Variants in PACRGL observed in about 807,000 individuals in gnomAD.
PACRGL encodes parkin coregulated like, also known as PACRG-like protein.
PACRGL carries 38 observed loss-of-function variants against 34.5 expected under a neutral mutation model. That is an observed-to-expected ratio of 1.10 (90% CI 0.85 to 1.44). The LOEUF is 1.44. Ranked by LOEUF, PACRGL falls within the 40% of genes most tolerant of loss-of-function variation. PACRGL has a pLI of 0.00. For synonymous variants in PACRGL, 128 were observed against 100.1 expected (o/e 1.28, Z -1.66); for missense variants, 305 against 281.4 (o/e 1.08, Z -0.60).
downstream of PACRGL, chr4:20,732,708 G>A: frequency 1.2e-6 from 2 of 1,611,524 alleles, no homozygotes; most frequent in Non-Finnish European, 1.7e-6. Context: ...CGTGTTGTCT[G>A]GGAGCATCTT....
intron 8 of PACRGL, among the ~76,000 whole-genome samples, chr4:20,747,318 G>T (rs1392118259): frequency 3.3e-5 from 5 of 152,054 alleles, no homozygotes; most frequent in African/African-American, 1.2e-4. Flanking sequence ...CTCATCCTCT[G>T]GAAGCCAGCT....
chr4:20,724,819 AT>A lies in PACRGL; in HGVS notation c.623del (p.Leu208Ter), dbSNP rs1423395840. The A allele has an allele frequency of 6.7e-7, 1 of 1,490,782 alleles. No individual in the cohort carries two copies. Among genetic ancestry groups the A allele is most frequent in the Non-Finnish European group, 8.9e-7 (1 of 1,128,772 alleles). The allele number at this position is 1,490,782 out of a possible 1,614,324, so 92.3% of individuals were successfully genotyped here. On this transcript the variant is annotated frameshift_variant, in exon 8 of 9. Transcript: ENST00000503585. LOFTEE classifies it high-confidence loss of function. The stretch of plus-strand genomic sequence containing the variant: ...TCTTACTTTAAAAGCTTTCCAAGAG[AT>A]TAATGGACAAGAAATTCAAAGAGCC... ...KHLLTSLSKR[L>X]MDKKFKEPIT...
chr4:20,725,535 A>C (rs1320451563), intron 8 of PACRGL, among the ~76,000 whole-genome samples: 2 of 152,190 alleles, frequency 1.3e-5, no homozygotes, highest in Non-Finnish European at 2.9e-5. Context: ...CTCGTCTTAG[A>C]AATATTTCCA....
intron 8 of PACRGL, among the ~76,000 whole-genome samples, chr4:20,726,982 A>G (rs1472013911): frequency 6.6e-6 from 1 of 152,152 alleles, no homozygotes; most frequent in Non-Finnish European, 1.5e-5. Flanking sequence ...TCTAAAGATC[A>G]CGGAACTTAG....
intron 1 of PACRGL, among the ~76,000 whole-genome samples, chr4:20,701,011 A>G (rs1485101737): frequency 2.6e-5 from 4 of 152,078 alleles, no homozygotes; most frequent in Admixed American, 6.6e-5. Context: ...ACTTTCTGGT[A>G]AAAAAGGGAC....
Position 20,730,736 on chromosome 4 carries a change from G to T in PACRGL, c.*3395G>T, listed in dbSNP as rs1383691611. ...ATTGGGGAGCAGAAACCACTGCTCAGTGGCTGTGTTCAGTTTAGCATATTC... is the reference window on the plus strand; with the variant it reads ...ATTGGGGAGCAGAAACCACTGCTCATTGGCTGTGTTCAGTTTAGCATATTC... On this transcript the variant is annotated 3_prime_UTR_variant, in exon 9 of 9. Coordinates refer to ENST00000503585, the MANE Select transcript of PACRGL (RefSeq NM_001258345.3). Among the ~76,000 whole-genome samples, 1 of 152,200 alleles carries T rather than the reference G, an allele frequency of 6.6e-6. No homozygotes were observed. Among genetic ancestry groups the T allele is most frequent in the African/African-American group, 2.4e-5 (1 of 41,460 alleles).
Position 20,730,132 on chromosome 4 carries a change from G to A in PACRGL, c.*2791G>A. 3.7e-6 allele frequency: 6 copies of A among 1,605,050 alleles called. 1 individual carries two copies. The Middle Eastern group carries it at 1.0e-3, about 267-fold the overall frequency. The stretch of plus-strand genomic sequence containing the variant: ...ATGGAGCGCATTATGTTTTCATCCT[G>A]TAAGGGAGAAACACAGAGCGATTAA... On this transcript the variant is annotated 3_prime_UTR_variant, in exon 9 of 9. Transcript: ENST00000503585.
chr4:20,766,744 G>T, the PACRGL span: 1 of 152,132 alleles, frequency 6.6e-6, no homozygotes, highest in Non-Finnish European at 1.5e-5. Context: ...ACTAAGCTTT[G>T]ATACTGCAAA....
chr4:20,710,192 A>G (rs1258064008), intron 5 of PACRGL, among the ~76,000 whole-genome samples: 2 of 152,176 alleles, frequency 1.3e-5, no homozygotes, highest in African/African-American at 4.8e-5. Flanking sequence ...AATTGATACT[A>G]CCTACCTAAA....
intron 7 of PACRGL, among the ~76,000 whole-genome samples, chr4:20,717,877 C>A (rs1291510513): frequency 6.6e-6 from 1 of 152,126 alleles, no homozygotes. Context: ...TGAAGAAAGT[C>A]ATTGGTAGCT....
At chr4:20,749,762 G>A (rs1370616717) in intron 8 of PACRGL, 1 of 1,487,386 alleles carries the variant, frequency 6.7e-7, no homozygotes, top group East Asian at 2.3e-5. Context: ...GTATCATTAA[G>A]TCAGTGTTTC....
intron 5 of PACRGL, among the ~76,000 whole-genome samples, chr4:20,712,044 A>G (rs1332892722): frequency 6.6e-6 from 1 of 152,116 alleles, no homozygotes; most frequent in African/African-American, 2.4e-5. Context: ...AACATAGACT[A>G]ATTTGCTCTG....
At position 20,717,103 on chromosome 4, in the gene PACRGL, A is replaced by C. The variant is rs186310713; in HGVS notation, c.609+3564A>C. Among the ~76,000 whole-genome samples the C allele has an allele frequency of 2.3e-3, 357 of 152,116 alleles. 8 individuals carry two copies. The South Asian group carries it at 0.046, about 20-fold the overall frequency. On this transcript the variant is annotated intron_variant, in intron 7 of 8. Coordinates refer to ENST00000503585, the MANE Select transcript of PACRGL (RefSeq NM_001258345.3). The stretch of plus-strand genomic sequence containing the variant: ...GGCCAGTGATGATGAGCATTTTTTC[A>C]TGTGTCTGTTGGCTGCATAAATGTC...
intron 8 of PACRGL, among the ~76,000 whole-genome samples, chr4:20,726,332 G>T (rs990159585): frequency 2.6e-5 from 4 of 152,026 alleles, no homozygotes; most frequent in African/African-American, 9.7e-5. Flanking sequence ...TGCTAATACA[G>T]AATTTTAAAA....
chr4:20,721,139 C>T (rs1010387857), intron 7 of PACRGL, among the ~76,000 whole-genome samples: 2 of 152,160 alleles, frequency 1.3e-5, no homozygotes, highest in African/African-American at 2.4e-5. Flanking sequence ...CTTGTGCATT[C>T]GTCATGTAGT....
chr4:20,743,755 C>A (rs1401345977), intron 8 of PACRGL, among the ~76,000 whole-genome samples: 2 of 152,082 alleles, frequency 1.3e-5, no homozygotes, highest in African/African-American at 2.4e-5. Flanking sequence ...GCAACAAAAG[C>A]CAAAATTGAC....
At position 20,724,791 on chromosome 4, in the gene PACRGL, TA is replaced by T; in HGVS notation, c.610-15del. 1 of 1,425,932 alleles carries T rather than the reference TA, an allele frequency of 7.0e-7. No individual in the cohort carries two copies. The highest frequency in any genetic ancestry group is 9.2e-7 in the Non-Finnish European group (1 of 1,082,738). 88.3% of individuals were successfully genotyped at this position (1,425,932 alleles called of 1,614,324 possible). A position where few individuals can be genotyped will look rare whatever the true frequency, so the allele number is the denominator to read the frequency against. Reference sequence around the variant, plus strand: ...AGTTTAAAGTCATTTCGTTTCCCCCTAATCTTACTTTAAAAGCTTTCCAAGA... The same window carrying T: ...AGTTTAAAGTCATTTCGTTTCCCCCTATCTTACTTTAAAAGCTTTCCAAGA... On this transcript the variant is annotated splice_polypyrimidine_tract_variant and intron_variant, in intron 7 of 8. Transcript: ENST00000503585.
intron 8 of PACRGL, among the ~76,000 whole-genome samples, chr4:20,738,286 A>G (rs1275039096): frequency 6.6e-6 from 1 of 152,222 alleles, no homozygotes; most frequent in Non-Finnish European, 1.5e-5. Flanking sequence ...TTCACAGCGT[A>G]GTAATAATAT....
the PACRGL span, chr4:20,767,249 T>C: frequency 6.6e-6 from 1 of 152,170 alleles, no homozygotes; most frequent in African/African-American, 2.4e-5. Flanking sequence ...TCTAGTGTTA[T>C]AAGTTGAATC....
Sources: gnomAD v4.1 joint callset for allele counts (sites outside exome capture counted in the v4.1 genomes callset) on GRCh38, gnomAD v4.1.1 for gene constraint, MANE v1.5 for transcripts, NCBI Gene and HGNC (gene_info 2026-07-23, HGNC 2026-07-21) for gene names.